ZNF462: variants seen among roughly 807,000 people sequenced by gnomAD.
ZNF462 encodes the protein zinc finger protein 462.
A neutral mutation model predicts 201.9 loss-of-function variants in ZNF462; 10 were observed. The observed-to-expected ratio is 0.05, with a 90% CI of 0.03 to 0.08. ZNF462 has a LOEUF of 0.08. Ranked by LOEUF, ZNF462 falls within the 10% of genes least tolerant of loss-of-function variation. ZNF462 has a pLI of 1.00. For synonymous variants in ZNF462, 1,227 were observed against 1,193.3 expected, an observed-to-expected ratio of 1.03 and a Z score of -0.58; for missense variants, 2,523 against 3,168.3, an observed-to-expected ratio of 0.80 and a Z score of 4.89.
At position 107,009,463 on chromosome 9, in the gene ZNF462, G is replaced by T; in HGVS notation, c.7190-82G>T. ...TGGCTTTATCAGTGAAGGTAGGAGA[G>T]AGGGTATCCTAATGAATGCTGACTT... is the stretch of plus-strand genomic sequence containing the variant. On this transcript the variant is annotated intron_variant, in intron 11 of 12. Coordinates refer to ENST00000277225, the MANE Select transcript of ZNF462 (RefSeq NM_021224.6). This position sits in a 1 kb window ranked among gnomAD's most constrained non-coding sequence, Gnocchi z 6.1. 6.4e-7 allele frequency: 1 copy of T among 1,565,228 alleles called. No individual in the cohort carries two copies. The highest frequency in any genetic ancestry group is 8.7e-7 in the Non-Finnish European group (1 of 1,146,262).
At chr9:106,931,809 C>G (rs1735027628) in intron 4 of ZNF462, among the ~76,000 whole-genome samples, 1 of 152,206 alleles carries the variant, frequency 6.6e-6, no homozygotes. Flanking sequence ...ACAGCGGGAT[C>G]TTTTGCTTTG....
rs1346152632 is a variant in ZNF462 at position 107,008,990 on chromosome 9, G to A, written c.7190-555G>A. ...CAGATCTCATTCAGTGCACATAACC[G>A]CCCTGTAAGGTATTGATTATAATGT... On this transcript the variant is annotated intron_variant, in intron 11 of 12. Coordinates refer to ENST00000277225, the MANE Select transcript of ZNF462 (RefSeq NM_021224.6). This position sits in a 1 kb window ranked among gnomAD's most constrained non-coding sequence, Gnocchi z 4.8. Among the ~76,000 whole-genome samples, 3 of 152,108 alleles carry A rather than the reference G, an allele frequency of 2.0e-5. No homozygotes were observed. The East Asian group carries it at 5.8e-4, about 29-fold the overall frequency.
At chr9:106,861,642 C>A (rs894352182), upstream of ZNF462, among the ~76,000 whole-genome samples, 3 of 152,240 alleles carry the variant, frequency 2.0e-5, no homozygotes, top group Non-Finnish European at 4.4e-5. Context: ...ACTTCAATTG[C>A]TCCTGACTTG....
At chr9:106,985,173 A>G (rs974410844) in intron 10 of ZNF462, among the ~76,000 whole-genome samples, 15 of 152,304 alleles carry the variant, frequency 9.8e-5, no homozygotes, top group African/African-American at 3.6e-4. Flanking sequence ...ATTTACAAAG[A>G]CAGGCAACAG....
chr9:106,945,059 G>A (rs72741802), intron 7 of ZNF462, among the ~76,000 whole-genome samples: 355 of 152,088 alleles, frequency 2.3e-3, no homozygotes, highest in Non-Finnish European at 4.2e-3. Flanking sequence ...ATGATTGGGG[G>A]GAATAATTAC....
intron 7 of ZNF462, among the ~76,000 whole-genome samples, chr9:106,958,572 A>G (rs975887813): frequency 6.6e-6 from 1 of 152,120 alleles, no homozygotes; most frequent in African/African-American, 2.4e-5. Context: ...CACAGAGCCT[A>G]AGATTTCTCA....
At chr9:106,983,542 G>A (rs1305739354) in intron 9 of ZNF462, among the ~76,000 whole-genome samples, 1 of 152,170 alleles carries the variant, frequency 6.6e-6, no homozygotes, top group Non-Finnish European at 1.5e-5. Context: ...AAATGAGAAT[G>A]GAATTGGAAA....
rs1830723653 is a variant in ZNF462, at chr9:106,938,425, A to G, written c.6236-491A>G. Among the ~76,000 whole-genome samples the G allele has an allele frequency of 6.6e-6, 1 of 152,246 alleles. No individual in the cohort carries two copies. The highest frequency in any genetic ancestry group is 1.5e-5 in the Non-Finnish European group (1 of 68,044). On this transcript the variant is annotated intron_variant, in intron 6 of 12. Transcript: ENST00000277225. This position sits in a 1 kb window ranked among gnomAD's most constrained non-coding sequence, Gnocchi z 4.4. ...GTGTATAGTTAGCAAGGAAGTACAG[A>G]ATAGAATAGCACAACAGAGCTTGCA... is the stretch of plus-strand genomic sequence containing the variant.
rs1411791250 is a variant in ZNF462 at position 106,929,688 on chromosome 9, G to A, written c.5776G>A (p.Glu1926Lys). ...ATTCCAGAAGCGTGCCAAACGTCAG[G>A]AGAGGAGGAAACAGCTTTTGAGCAA... is the stretch of plus-strand genomic sequence containing the variant. ...EEFQKRAKRQERRKQLLSKQK... is the reference protein window; with the variant it reads ...EEFQKRAKRQKRRKQLLSKQK... Residue 1926 changes from glutamate (E) to lysine (K), a missense_variant, in exon 3 of 13, where the codon GAG becomes AAG. Physicochemically the swap from Glu to Lys is moderately conservative, Grantham distance 56. Around this residue, in one of 15 missense-constraint regions of ZNF462, gnomAD observed 107 missense variants for 187.7 expected, o/e 0.57. Transcript: ENST00000277225. This position sits in a 1 kb window ranked among gnomAD's most constrained non-coding sequence, Gnocchi z 8.7. 6.2e-7 allele frequency: 1 copy of A among 1,614,062 alleles called. No individual in the cohort carries two copies. Among genetic ancestry groups the A allele is most frequent in the Non-Finnish European group, 8.5e-7 (1 of 1,180,052 alleles).
rs1251785939 is a variant in ZNF462 at position 106,880,325 on chromosome 9, C to G, written c.-31+16970C>G. ...AGTCCAGGAGCTGGGACAGACTGAA[C>G]AGTTTGCCTGTGAGAACTTAACAGT... On this transcript the variant is annotated intron_variant, in intron 1 of 12. Transcript: ENST00000277225. The surrounding 1 kb of genome is among the most constrained non-coding windows in gnomAD (Gnocchi z 4.1). Among the ~76,000 whole-genome samples the G allele has an allele frequency of 6.6e-6, 1 of 152,228 alleles. No individual in the cohort carries two copies. The highest frequency in any genetic ancestry group is 3.2e-3 in the Middle Eastern group (1 of 316).
At position 106,978,434 on chromosome 9, in the gene ZNF462, C is replaced by T. The variant is rs190052816; in HGVS notation, c.6832+4161C>T. ...TTTAGTCAGTAGACAGATGGGAAGCCAGGACAAATTCTGATCAGGTTACTG... is the reference window on the plus strand; with the variant it reads ...TTTAGTCAGTAGACAGATGGGAAGCTAGGACAAATTCTGATCAGGTTACTG... On this transcript the variant is annotated intron_variant, in intron 9 of 12. Transcript: ENST00000277225. The surrounding 1 kb of genome is among the most constrained non-coding windows in gnomAD (Gnocchi z 4.1). Among the ~76,000 whole-genome samples, 90 of 151,710 alleles carry T rather than the reference C, an allele frequency of 5.9e-4. No homozygotes were observed. Among genetic ancestry groups the T allele is most frequent in the Admixed American group, 1.2e-3 (19 of 15,282 alleles).
rs753378809 is a variant in ZNF462 at position 106,962,440 on chromosome 9, A to C, written c.6428-9565A>C. On this transcript the variant is annotated intron_variant, in intron 7 of 12. Transcript: ENST00000277225. The surrounding 1 kb of genome is among the most constrained non-coding windows in gnomAD (Gnocchi z 4.6). ...TACGATCTAGTGAATTGAAAAGTCC[A>C]GGAATCCTCCTTGGCCTCAGGTCAG... Among the ~76,000 whole-genome samples, 3 of 152,088 alleles carry C rather than the reference A, an allele frequency of 2.0e-5. No homozygotes were observed. Among genetic ancestry groups the C allele is most frequent in the Non-Finnish European group, 2.9e-5 (2 of 67,990 alleles).
chr9:106,961,121 T>G (rs906241704), intron 7 of ZNF462, among the ~76,000 whole-genome samples: 22 of 152,092 alleles, frequency 1.4e-4, no homozygotes. Context: ...TGTATTTAAA[T>G]ACATGGTACC....
At chr9:106,908,595 T>C (rs1344424275) in intron 1 of ZNF462, among the ~76,000 whole-genome samples, 1 of 152,178 alleles carries the variant, frequency 6.6e-6, no homozygotes, top group Middle Eastern at 3.4e-3. Context: ...CAATTTACTC[T>C]GGGGATATTT....
At chr9:106,911,836 C>T (rs1829561811) in intron 1 of ZNF462, among the ~76,000 whole-genome samples, 1 of 151,698 alleles carries the variant, frequency 6.6e-6, no homozygotes, top group Non-Finnish European at 1.5e-5. Context: ...TTTTTATATC[C>T]AACAAATGGA....
chr9:107,010,788 A>G lies in ZNF462; in HGVS notation c.7314-35A>G, dbSNP rs779784853. ...GTTTAAAAAGAGAAATATATATACT[A>G]TACTCATCTGTCTCTTCGATAAATG... On this transcript the variant is annotated intron_variant, in intron 12 of 12. Coordinates refer to ENST00000277225, the MANE Select transcript of ZNF462 (RefSeq NM_021224.6). This position sits in a 1 kb window ranked among gnomAD's most constrained non-coding sequence, Gnocchi z 4.6. 2.6e-6 allele frequency: 4 copies of G among 1,563,724 alleles called. No homozygotes were observed. Among genetic ancestry groups the G allele is most frequent in the African/African-American group, 2.8e-5 (2 of 72,512 alleles).
Position 106,923,377 on chromosome 9 carries a change from C to T in ZNF462, c.-7C>T, listed in dbSNP as rs1355652251. ...AGGTTCCTAATGTGAGAGGCTAGAC[C>T]CAGATCATGGAGGTGCTTCAGTGTG... On this transcript the variant is annotated 5_prime_UTR_variant, in exon 2 of 13. Transcript: ENST00000277225. The surrounding 1 kb of genome is among the most constrained non-coding windows in gnomAD (Gnocchi z 5.6). The T allele has an allele frequency of 6.2e-7, 1 of 1,613,916 alleles. No individual in the cohort carries two copies. The highest frequency in any genetic ancestry group is 8.5e-7 in the Non-Finnish European group (1 of 1,179,986).
At chr9:106,979,322 CA>C (rs1362373841) in intron 9 of ZNF462, 1 of 151,984 alleles carries the variant, frequency 6.6e-6, no homozygotes, top group African/African-American at 2.4e-5. Context: ...TGGTTAATCA[CA>C]GGAGTCATTC....
Position 106,974,333 on chromosome 9 carries a change from T to C in ZNF462, c.6832+60T>C. 1 of 1,611,712 alleles carries C rather than the reference T, an allele frequency of 6.2e-7. No homozygotes were observed. Among genetic ancestry groups the C allele is most frequent in the Non-Finnish European group, 8.5e-7 (1 of 1,177,930 alleles). On this transcript the variant is annotated intron_variant, in intron 9 of 12. Coordinates refer to ENST00000277225, the MANE Select transcript of ZNF462 (RefSeq NM_021224.6). The surrounding 1 kb of genome is among the most constrained non-coding windows in gnomAD (Gnocchi z 4.0). The stretch of plus-strand genomic sequence containing the variant: ...GGGGGGCAGGCAGCAGAGATGGCCT[T>C]CTAGGGATGCTCTCTCAGAGTGGCA...
Sources: gnomAD v4.1 joint callset for allele counts (sites outside exome capture counted in the v4.1 genomes callset) on GRCh38, gnomAD v4.1.1 for gene constraint, gnomAD v4.1.1 regional missense constraint, Gnocchi (gnomAD v3.1) non-coding constraint, MANE v1.5 for transcripts, NCBI Gene and HGNC (gene_info 2026-07-23, HGNC 2026-07-21) for gene names.